TLL2: variants seen among roughly 807,000 people sequenced by gnomAD.
The protein encoded by TLL2 is tolloid-like protein 2.
Under a neutral mutation model 123.0 loss-of-function variants are expected in TLL2, and 106 were observed. That is an observed-to-expected ratio of 0.86 (90% CI 0.74 to 1.01). The LOEUF (loss-of-function observed/expected upper bound fraction) is 1.01, where lower values mean the gene tolerates loss of function less well. Among genes scored for constraint, TLL2 ranks in the 50% least tolerant of loss-of-function variants. The pLI is 0.00. For synonymous variants in TLL2, 494 were observed against 516.8 expected, an observed-to-expected ratio of 0.96 and a Z score of 0.60; for missense variants, 1,332 against 1,336.7, an observed-to-expected ratio of 1.00 and a Z score of 0.06.
chr10:96,409,629 T>C (rs1268371265), intron 9 of TLL2, among the ~76,000 whole-genome samples: 1 of 152,126 alleles, frequency 6.6e-6, no homozygotes, highest in Non-Finnish European at 1.5e-5. Flanking sequence ...TGCAGTAGGG[T>C]TGAAAACATA....
intron 1 of TLL2, among the ~76,000 whole-genome samples, chr10:96,481,040 C>A (rs774634305): frequency 3.9e-5 from 6 of 152,118 alleles, no homozygotes; most frequent in Non-Finnish European, 8.8e-5. Flanking sequence ...ATGGGGATCA[C>A]CCTAGGTTCT....
chr10:96,368,323 C>T, intron 20 of TLL2, 101 bp from the exon 21 acceptor site: 2 of 1,408,952 alleles, frequency 1.4e-6, no homozygotes, highest in Non-Finnish European at 1.9e-6. Flanking sequence ...CAGGATGTGT[C>T]TCTGGTACCA....
chr10:96,432,820 T>G lies in TLL2; in HGVS notation c.507A>C (p.Gly169=). The part of the protein sequence containing the change: ...WPGGVIPYVI[G]GNFTGSQRAI... ...GTGGCTACTGACCAGTGAAGTTCCCTCCAATGACGTAGGGGATGACTCCTC... is the reference window on the plus strand; with the variant it reads ...GTGGCTACTGACCAGTGAAGTTCCCGCCAATGACGTAGGGGATGACTCCTC... Residue 169 remains glycine (G), a synonymous_variant, in exon 4 of 21, where the codon GGA becomes GGC. Coordinates refer to ENST00000357947, the MANE Select transcript of TLL2 (RefSeq NM_012465.4). 2 of 1,613,944 alleles carry G rather than the reference T, an allele frequency of 1.2e-6. No homozygotes were observed. Among genetic ancestry groups the G allele is most frequent in the Non-Finnish European group, 1.7e-6 (2 of 1,179,926 alleles).
intron 15 of TLL2, among the ~76,000 whole-genome samples, chr10:96,385,495 A>G (rs1367760057): frequency 4.6e-5 from 7 of 152,146 alleles, no homozygotes; most frequent in Admixed American, 3.9e-4. Context: ...CACCAGTACT[A>G]TTCTCAAGGT....
chr10:96,512,914 C>T (rs1847645319), intron 1 of TLL2, among the ~76,000 whole-genome samples: 1 of 152,250 alleles, frequency 6.6e-6, no homozygotes, highest in South Asian at 2.1e-4. Context: ...CGGCTTCCAT[C>T]TCCGCCCGCC....
chr10:96,411,838 C>A (rs1164416106), intron 8 of TLL2, among the ~76,000 whole-genome samples: 1 of 152,212 alleles, frequency 6.6e-6, no homozygotes, highest in Non-Finnish European at 1.5e-5. Flanking sequence ...TGCCCATTAT[C>A]GGCCTCAGGA....
At chr10:96,389,532 C>G (rs531324238) in intron 13 of TLL2, among the ~76,000 whole-genome samples, 1 of 152,060 alleles carries the variant, frequency 6.6e-6, no homozygotes, top group Non-Finnish European at 1.5e-5. Context: ...GGAAGATGGA[C>G]GGGCAGGAGG....
rs760570921 is a variant in TLL2 at position 96,413,247 on chromosome 10, G to A, written c.993C>T (p.Arg331=). Residue 331 remains arginine (R), a synonymous_variant, in exon 8 of 21, where the codon CGC becomes CGT. Transcript: ENST00000357947. ...DNGVRPTIGQ[R]VRLSQGDIAQ... ...CTATGTCTCCCTGACTGAGCCGCAC[G>A]CGCTGGCCAATGGTTGGCCTGACGC... is the stretch of plus-strand genomic sequence containing the variant. 8.7e-6 allele frequency: 14 copies of A among 1,614,080 alleles called. No individual in the cohort carries two copies. The highest frequency in any genetic ancestry group is 1.6e-4 in the Middle Eastern group (1 of 6,084).
chr10:96,429,886 A>G (rs1846719789), intron 4 of TLL2, among the ~76,000 whole-genome samples: 1 of 152,206 alleles, frequency 6.6e-6, no homozygotes, highest in South Asian at 2.1e-4. Context: ...ATAAAACTCC[A>G]GGCTGACAGT....
intron 3 of TLL2, among the ~76,000 whole-genome samples, chr10:96,434,210 C>T (rs932546639): frequency 2.0e-5 from 3 of 152,160 alleles, no homozygotes; most frequent in Non-Finnish European, 4.4e-5. Context: ...AGAATTCACA[C>T]ACCCTATTTA....
chr10:96,478,496 G>C (rs2134103265), intron 2 of TLL2, among the ~76,000 whole-genome samples: 1 of 152,344 alleles, frequency 6.6e-6, no homozygotes, highest in Middle Eastern at 3.4e-3. Context: ...AGGCCCAGTG[G>C]AAATGAGTGC....
intron 17 of TLL2, among the ~76,000 whole-genome samples, chr10:96,377,621 T>C (rs1564893884): frequency 6.6e-6 from 1 of 152,206 alleles, no homozygotes; most frequent in Non-Finnish European, 1.5e-5. Flanking sequence ...GAGGCCAGTC[T>C]ACCACTGCTT....
intron 2 of TLL2, among the ~76,000 whole-genome samples, chr10:96,463,103 C>T (rs538740887): frequency 7.2e-5 from 11 of 152,238 alleles, no homozygotes; most frequent in East Asian, 1.9e-4. Flanking sequence ...GGCAAATTCA[C>T]GAATATAAAA....
chr10:96,418,015 A>AGCTGCCCATCCTCCTGTGT (rs1380164333), intron 7 of TLL2, among the ~76,000 whole-genome samples: 3 of 152,220 alleles, frequency 2.0e-5, no homozygotes, highest in Non-Finnish European at 2.9e-5. Flanking sequence ...CTCTGCTCCT[A>AGCTGCCCATCCTCCTGTGT]GCTGCCCATC....
intron 2 of TLL2, among the ~76,000 whole-genome samples, chr10:96,479,386 C>T (rs1254203613): frequency 6.6e-6 from 1 of 152,232 alleles, no homozygotes; most frequent in Non-Finnish European, 1.5e-5. Context: ...GTGGGAGGTG[C>T]CCCTGCCCTG....
chr10:96,400,212 A>G (rs953093521), intron 10 of TLL2, among the ~76,000 whole-genome samples: 1 of 152,192 alleles, frequency 6.6e-6, no homozygotes, highest in African/African-American at 2.4e-5. Flanking sequence ...ATTAGGTACT[A>G]TTATTAATCC....
chr10:96,478,963 A>G (rs4919024), intron 2 of TLL2, among the ~76,000 whole-genome samples: 60,040 of 151,980 alleles, frequency 0.4, 12,291 homozygotes, highest in East Asian at 0.73. Context: ...AAGTTTTAAA[A>G]CTATTTTAAC....
At chr10:96,368,343 AAGGG>A in intron 20 of TLL2, 121 bp from the exon 21 acceptor site, 1 of 1,140,946 alleles carries the variant, frequency 8.8e-7, no homozygotes, top group South Asian at 1.6e-5. Context: ...AGAGACTCTG[AAGGG>A]CATCCAAACA....
intron 4 of TLL2, 71 bp downstream of exon 4, chr10:96,432,716 CATCCCACCCGGGTCCTTCCT>C: frequency 6.6e-7 from 1 of 1,513,814 alleles, no homozygotes; most frequent in East Asian, 2.3e-5. Context: ...ACATCTGCTC[CATCCCACCCGGGTCCTTCCT>C]AGAAGGACTC....
Sources: gnomAD v4.1 joint callset for allele counts (sites outside exome capture counted in the v4.1 genomes callset) on GRCh38, gnomAD v4.1.1 for gene constraint, MANE v1.5 for transcripts, NCBI Gene and HGNC (gene_info 2026-07-23, HGNC 2026-07-21) for gene names.